KCTD16: variants seen among roughly 807,000 people sequenced by gnomAD.
The protein encoded by KCTD16 is potassium channel tetramerization domain containing 16.
In KCTD16, 13 loss-of-function variants were observed where a neutral mutation model predicts 33.2. The ratio of observed to expected loss-of-function variants is 0.39; its 90% CI spans 0.25 to 0.62. The LOEUF (loss-of-function observed/expected upper bound fraction) is 0.62, where lower values mean the gene tolerates loss of function less well. KCTD16 is among the 20% of genes least tolerant of loss of function. The probability of loss-of-function intolerance (pLI) is 0.50; values close to 1 mark genes in which losing one functional copy is unlikely to be tolerated. For missense variants in KCTD16, 441 were observed against 525.1 expected (o/e 0.84, Z 1.57); for synonymous variants, 197 against 195.3 (o/e 1.01, Z -0.07).
chr5:144,397,436 C>T (rs1580930628), intron 3 of KCTD16, among the ~76,000 whole-genome samples: 1 of 152,086 alleles, frequency 6.6e-6, no homozygotes, highest in African/African-American at 2.4e-5. Flanking sequence ...TGGGTATATA[C>T]CCAGTAATGG....
At chr5:144,195,941 C>T (rs547100809) in intron 2 of KCTD16, among the ~76,000 whole-genome samples, 2 of 152,288 alleles carry the variant, frequency 1.3e-5, no homozygotes, top group Admixed American at 6.5e-5. Flanking sequence ...TCACTTTCTC[C>T]TGTGTGCCAG....
intron 3 of KCTD16, among the ~76,000 whole-genome samples, chr5:144,388,283 G>A (rs1331999891): frequency 1.3e-5 from 2 of 151,510 alleles, no homozygotes; most frequent in African/African-American, 2.4e-5. Context: ...GGGTTTCACC[G>A]TGTTATCCAG....
chr5:144,198,086 G>A (rs935596979), intron 2 of KCTD16, among the ~76,000 whole-genome samples: 1 of 152,058 alleles, frequency 6.6e-6, no homozygotes, highest in African/African-American at 2.4e-5. Flanking sequence ...TATTTCTCTC[G>A]GACCTGACCA....
chr5:144,375,724 G>A (rs984219430), intron 3 of KCTD16, among the ~76,000 whole-genome samples: 1 of 152,158 alleles, frequency 6.6e-6, no homozygotes, highest in Non-Finnish European at 1.5e-5. Flanking sequence ...ATTTGAAAAT[G>A]GAGAGGTGAG....
intron 3 of KCTD16, among the ~76,000 whole-genome samples, chr5:144,239,548 A>C (rs1299512889): frequency 3.3e-5 from 5 of 152,118 alleles, no homozygotes; most frequent in Non-Finnish European, 7.4e-5. Context: ...CTGTTTTGAC[A>C]GGCCTCTAAA....
chr5:144,185,654 T>C (rs924594991), intron 2 of KCTD16, among the ~76,000 whole-genome samples: 1 of 152,116 alleles, frequency 6.6e-6, no homozygotes, highest in African/African-American at 2.4e-5. Context: ...GGGATAATTC[T>C]CATGCAGTAT....
At chr5:144,243,802 G>A (rs185613679) in intron 3 of KCTD16, among the ~76,000 whole-genome samples, 1 of 152,116 alleles carries the variant, frequency 6.6e-6, no homozygotes, top group East Asian at 1.9e-4. Flanking sequence ...GGAGTGCAGT[G>A]GCACGATGTT....
intron 3 of KCTD16, among the ~76,000 whole-genome samples, chr5:144,445,915 C>T (rs1463485833): frequency 6.6e-6 from 1 of 151,900 alleles, no homozygotes; most frequent in Non-Finnish European, 1.5e-5. Context: ...AGAGACTCTC[C>T]CAGTTTCTGT....
chr5:144,264,783 CAG>C (rs1166220596), intron 3 of KCTD16, among the ~76,000 whole-genome samples: 3 of 152,086 alleles, frequency 2.0e-5, no homozygotes, highest in Non-Finnish European at 2.9e-5. Context: ...AACAAACAAA[CAG>C]AAACGATTAA....
At chr5:144,452,603 G>A (rs1012660470) in intron 3 of KCTD16, among the ~76,000 whole-genome samples, 1 of 151,962 alleles carries the variant, frequency 6.6e-6, no homozygotes, top group Non-Finnish European at 1.5e-5. Flanking sequence ...CTAGATAAAA[G>A]TAGAGTATCT....
At chr5:144,305,612 G>A (rs1288908616) in intron 3 of KCTD16, among the ~76,000 whole-genome samples, 2 of 151,986 alleles carry the variant, frequency 1.3e-5, no homozygotes, top group African/African-American at 4.8e-5. Flanking sequence ...TCAGGAGATC[G>A]AGACCATCCT....
rs1413415737 is a variant in KCTD16 at position 144,206,883 on chromosome 5, C to T, written c.169C>T (p.Pro57Ser). ...TTCCCTCCTGTGGAAAATGTTTTCCCCAAAGAGAGACACGGCTAATGATCT... is the reference window on the plus strand; with the variant it reads ...TTCCCTCCTGTGGAAAATGTTTTCCTCAAAGAGAGACACGGCTAATGATCT... The part of the protein sequence containing the change: ...PHSLLWKMFS[P>S]KRDTANDLAK... The change falls in exon 3 of 4, where the codon CCA becomes TCA. Residue 57 changes from proline to serine, a missense_variant. Pro to Ser is a moderately conservative substitution (Grantham distance 74). Coordinates refer to ENST00000512467, the MANE Select transcript of KCTD16 (RefSeq NM_020768.4). The T allele has an allele frequency of 6.2e-7, 1 of 1,614,036 alleles. No individual in the cohort carries two copies. Among genetic ancestry groups the T allele is most frequent in the South Asian group, 1.1e-5 (1 of 91,080 alleles).
At chr5:144,455,862 A>C (rs1049130032) in intron 3 of KCTD16, among the ~76,000 whole-genome samples, 3 of 152,216 alleles carry the variant, frequency 2.0e-5, no homozygotes, top group African/African-American at 7.2e-5. Context: ...CCCTGGGATC[A>C]TTCCTGATTC....
chr5:144,357,919 T>G (rs1057195179), intron 3 of KCTD16, among the ~76,000 whole-genome samples: 3 of 151,908 alleles, frequency 2.0e-5, no homozygotes, highest in African/African-American at 7.3e-5. Flanking sequence ...TAATTAATTT[T>G]TATTTATTTA....
At chr5:144,342,348 G>A (rs1278739767) in intron 3 of KCTD16, among the ~76,000 whole-genome samples, 1 of 152,152 alleles carries the variant, frequency 6.6e-6, no homozygotes, top group Non-Finnish European at 1.5e-5. Flanking sequence ...TTGTGAATGG[G>A]AGTTCATTCA....
chr5:144,312,258 G>A (rs971253428), intron 3 of KCTD16, among the ~76,000 whole-genome samples: 1 of 152,190 alleles, frequency 6.6e-6, no homozygotes, highest in Admixed American at 6.6e-5. Context: ...ACAGACCATG[G>A]CACACAGACC....
chr5:144,347,734 C>T (rs965781803), intron 3 of KCTD16, among the ~76,000 whole-genome samples: 4 of 152,158 alleles, frequency 2.6e-5, no homozygotes, highest in Non-Finnish European at 2.9e-5. Context: ...GCACTGAATG[C>T]GCTGACAGCT....
chr5:144,197,066 A>G (rs1218146977), intron 2 of KCTD16, among the ~76,000 whole-genome samples: 1 of 152,212 alleles, frequency 6.6e-6, no homozygotes, highest in Non-Finnish European at 1.5e-5. Flanking sequence ...CTAACTCCAT[A>G]ACCCATCCTA....
chr5:144,175,572 T>A (rs1052444960), intron 2 of KCTD16, among the ~76,000 whole-genome samples: 20 of 152,234 alleles, frequency 1.3e-4, no homozygotes, highest in African/African-American at 4.8e-4. Context: ...TTTAAGTTTA[T>A]GTTACATTAG....
Sources: gnomAD v4.1 joint callset for allele counts (sites outside exome capture counted in the v4.1 genomes callset) on GRCh38, gnomAD v4.1.1 for gene constraint, MANE v1.5 for transcripts, NCBI Gene and HGNC (gene_info 2026-07-23, HGNC 2026-07-21) for gene names.